The following SLC24A2 variants were observed in gnomAD, a reference collection of about 807,000 sequenced individuals.
SLC24A2 encodes solute carrier family 24 member 2.
A neutral mutation model predicts 62.0 loss-of-function variants in SLC24A2; 36 were observed. The observed-to-expected ratio is 0.58, with a 90% CI of 0.44 to 0.77. The LOEUF is 0.77. Among genes scored for constraint, SLC24A2 ranks in the 30% least tolerant of loss-of-function variants. SLC24A2 has a pLI of 0.00. For missense variants in SLC24A2, 846 were observed against 817.9 expected (o/e 1.03, Z -0.42); for synonymous variants, 358 against 294.0 (o/e 1.22, Z -2.23).
chr9:20,105,664 C>T, the SLC24A2 span, among the ~76,000 whole-genome samples: 4 of 151,798 alleles, frequency 2.6e-5, no homozygotes, highest in African/African-American at 9.7e-5. Flanking sequence ...AACAAAGACA[C>T]AACATACCAG....
chr9:19,644,404 C>G (rs1452611215), intron 2 of SLC24A2, among the ~76,000 whole-genome samples: 4 of 152,140 alleles, frequency 2.6e-5, no homozygotes, highest in African/African-American at 9.7e-5. Flanking sequence ...TGTATTTTTA[C>G]ATAGATTGAA....
chr9:20,199,556 C>T, the SLC24A2 span, among the ~76,000 whole-genome samples: 16 of 152,092 alleles, frequency 1.1e-4, no homozygotes, highest in African/African-American at 3.9e-4. Context: ...TCTCTATTAA[C>T]TAGAATTCAA....
chr9:19,697,328 G>A (rs998615543), intron 2 of SLC24A2, among the ~76,000 whole-genome samples: 1 of 152,178 alleles, frequency 6.6e-6, no homozygotes, highest in Non-Finnish European at 1.5e-5. Flanking sequence ...GCTAGTGGAT[G>A]CTGGACTTAA....
At chr9:19,692,625 A>C (rs1407858912) in intron 2 of SLC24A2, among the ~76,000 whole-genome samples, 1 of 152,138 alleles carries the variant, frequency 6.6e-6, no homozygotes, top group Non-Finnish European at 1.5e-5. Flanking sequence ...TCATCCTTCC[A>C]ATAATCACTC....
In SLC24A2 at chr9:19,517,951, A is replaced by ACTCT. The variant is rs1241284028; in HGVS notation, c.1737-1550_1737-1549insAGAG. Among the ~76,000 whole-genome samples the ACTCT allele has an allele frequency of 1.4e-4, 21 of 147,184 alleles. 1 individual carries two copies. The highest frequency in any genetic ancestry group is 1.2e-3 in the Admixed American group (17 of 14,608). ...CACACACACACACACACACACACAC[A>ACTCT]CACACACTCTCACACTTCTAGTGAA... On this transcript the variant is annotated intron_variant, in intron 10 of 10. Coordinates refer to ENST00000341998, the MANE Select transcript of SLC24A2 (RefSeq NM_020344.4).
intron 2 of SLC24A2, among the ~76,000 whole-genome samples, chr9:19,744,902 T>C (rs1821787999): frequency 6.6e-6 from 1 of 152,296 alleles, no homozygotes; most frequent in South Asian, 2.1e-4. Context: ...AACTTCAATA[T>C]GTTTCCCACT....
intron 4 of SLC24A2, among the ~76,000 whole-genome samples, chr9:19,607,446 G>A (rs1042831745): frequency 1.3e-5 from 2 of 152,110 alleles, no homozygotes; most frequent in Non-Finnish European, 2.9e-5. Flanking sequence ...GCAGGGTGCA[G>A]TGGCTCACAG....
chr9:19,855,215 C>A, the SLC24A2 span, among the ~76,000 whole-genome samples: 11 of 152,240 alleles, frequency 7.2e-5, no homozygotes, highest in Admixed American at 5.2e-4. Context: ...TTGAATACAG[C>A]GCACTGATGG....
chr9:20,206,328 C>T, the SLC24A2 span, among the ~76,000 whole-genome samples: 1 of 152,052 alleles, frequency 6.6e-6, no homozygotes, highest in Non-Finnish European at 1.5e-5. Context: ...AATGCAGAAG[C>T]AGATATGAGA....
At chr9:20,043,445 G>A in the SLC24A2 span, among the ~76,000 whole-genome samples, 1 of 152,196 alleles carries the variant, frequency 6.6e-6, no homozygotes, top group South Asian at 2.1e-4. Context: ...CTCTCTGATG[G>A]ATCTGGACAA....
the SLC24A2 span, among the ~76,000 whole-genome samples, chr9:19,921,203 A>G: frequency 6.6e-6 from 1 of 151,746 alleles, no homozygotes; most frequent in African/African-American, 2.4e-5. Context: ...TGACCTTTCT[A>G]TAGTTTTACT....
intron 2 of SLC24A2, among the ~76,000 whole-genome samples, chr9:19,778,684 G>A (rs750920592): frequency 1.3e-5 from 2 of 152,060 alleles, no homozygotes; most frequent in African/African-American, 2.4e-5. Flanking sequence ...TAGTACTCCC[G>A]GACCTTTGAC....
At chr9:20,026,034 A>G in the SLC24A2 span, among the ~76,000 whole-genome samples, 3 of 152,326 alleles carry the variant, frequency 2.0e-5, no homozygotes, top group African/African-American at 7.2e-5. Context: ...CTTGTTTCAA[A>G]TCCTAATCTG....
At chr9:20,174,972 G>A in the SLC24A2 span, among the ~76,000 whole-genome samples, 1 of 150,620 alleles carries the variant, frequency 6.6e-6, no homozygotes, top group Non-Finnish European at 1.5e-5. Flanking sequence ...CAACCAGTGA[G>A]TGGATAAAGA....
the SLC24A2 span, among the ~76,000 whole-genome samples, chr9:20,174,109 C>A: frequency 6.6e-6 from 1 of 151,984 alleles, no homozygotes; most frequent in Admixed American, 6.6e-5. Context: ...AAAGGACATC[C>A]TATTCAACAA....
chr9:19,562,456 G>A (rs944853806), intron 7 of SLC24A2, among the ~76,000 whole-genome samples: 2 of 152,042 alleles, frequency 1.3e-5, no homozygotes, highest in Admixed American at 6.6e-5. Context: ...GATTCTCAGC[G>A]AATATATAAT....
At chr9:20,009,383 CAAAAAAAAAAAA>C in the SLC24A2 span, among the ~76,000 whole-genome samples, 3 of 112,350 alleles carry the variant, frequency 2.7e-5, no homozygotes, top group African/African-American at 6.7e-5. Context: ...AACTCTGTCT[CAAAAAAAAAAAA>C]AAAAAAAAAA....
the SLC24A2 span, among the ~76,000 whole-genome samples, chr9:20,176,685 T>C: frequency 6.6e-6 from 1 of 152,082 alleles, no homozygotes; most frequent in African/African-American, 2.4e-5. Flanking sequence ...AGTTAGACAT[T>C]GGTGACTATG....
chr9:19,913,576 A>G, the SLC24A2 span, among the ~76,000 whole-genome samples: 1 of 152,138 alleles, frequency 6.6e-6, no homozygotes, highest in Non-Finnish European at 1.5e-5. Context: ...GGACATCGTG[A>G]TTTCAGAAAG....
Sources: gnomAD v4.1 joint callset for allele counts (sites outside exome capture counted in the v4.1 genomes callset) on GRCh38, gnomAD v4.1.1 for gene constraint, MANE v1.5 for transcripts, NCBI Gene and HGNC (gene_info 2026-07-23, HGNC 2026-07-21) for gene names.